The following NUP107 variants were observed in gnomAD, a reference collection of about 807,000 sequenced individuals.
NUP107 encodes nuclear pore complex protein Nup107.
NUP107 carries 101 observed loss-of-function variants against 141.0 expected under a neutral mutation model. The observed-to-expected ratio is 0.72, with a 90% CI of 0.61 to 0.84. The LOEUF is 0.84. Among genes scored for constraint, NUP107 ranks in the 40% least tolerant of loss-of-function variants. NUP107 has a pLI of 0.00. For missense variants in NUP107, 941 were observed against 1,102.7 expected (o/e 0.85, Z 2.08); for synonymous variants, 319 against 363.9 (o/e 0.88, Z 1.41).
intron 2 of NUP107, 22 bp from the exon 3 acceptor site, chr12:68,689,511 C>CT: frequency 6.9e-7 from 1 of 1,447,968 alleles, no homozygotes; most frequent in South Asian, 1.3e-5. Flanking sequence ...ACATGGAAAA[C>CT]TTTTCTTAAC....
chr12:68,741,803 CTGTT>C lies in NUP107; in HGVS notation c.2503-6_2503-3del. ...AATTGTTAAAATGATTTATTGATGT[CTGTT>C]TGTAGGATGCCAAAGAAGACCATGA... On this transcript the variant is annotated splice_polypyrimidine_tract_variant and splice_region_variant and intron_variant, in intron 26 of 27. Transcript: ENST00000229179. The C allele has an allele frequency of 6.2e-7, 1 of 1,604,820 alleles. No individual in the cohort carries two copies. The highest frequency in any genetic ancestry group is 8.5e-7 in the Non-Finnish European group (1 of 1,175,776).
At position 68,719,684 on chromosome 12, in the gene NUP107, G is replaced by A. The variant is rs769362145; in HGVS notation, c.1251+30G>A. 24 of 1,441,580 alleles carry A rather than the reference G, an allele frequency of 1.7e-5. No individual in the cohort carries two copies. The Admixed American group carries it at 3.9e-4, about 23-fold the overall frequency. The allele number at this position is 1,441,580 out of a possible 1,614,324, so 89.3% of individuals were successfully genotyped here. ...GATAAATAAAATATTCAGTGATACT[G>A]TTTTTAACTCCAATTAATTGAAAGC... On this transcript the variant is annotated intron_variant, in intron 14 of 27. Transcript: ENST00000229179.
chr12:68,689,878 T>A, intron 3 of NUP107: 1 of 376,354 alleles, frequency 2.7e-6, no homozygotes, highest in Non-Finnish European at 4.8e-6. Context: ...TTAACTAATA[T>A]ATACAATAAG....
chr12:68,719,536 G>T (rs375155717), intron 13 of NUP107, 42 bp from the exon 14 acceptor site: 1 of 1,567,592 alleles, frequency 6.4e-7, no homozygotes. Flanking sequence ...ATTGTAATAA[G>T]GTCTTATTTT....
At chr12:68,721,753 T>G in intron 15 of NUP107, 88 bp from the exon 16 acceptor site, 1 of 1,285,960 alleles carries the variant, frequency 7.8e-7, no homozygotes, top group Non-Finnish European at 1.1e-6. Flanking sequence ...TAAAGTGATT[T>G]TATAGTCTGT....
At chr12:68,705,635 T>G in intron 8 of NUP107, 1 of 535,914 alleles carries the variant, frequency 1.9e-6, no homozygotes, top group South Asian at 1.6e-5. Flanking sequence ...GCCTCCACCA[T>G]GTCCATCAGA....
chr12:68,720,991 T>C, intron 14 of NUP107, 127 bp from the exon 15 acceptor site: 1 of 531,870 alleles, frequency 1.9e-6, no homozygotes, highest in Non-Finnish European at 3.3e-6. Flanking sequence ...GATCTTTCAC[T>C]AAAGTTTAAA....
At chr12:68,690,166 CAAA>C (rs113877879) in intron 3 of NUP107, among the ~76,000 whole-genome samples, 1 of 119,476 alleles carries the variant, frequency 8.4e-6, no homozygotes. Flanking sequence ...GGCGACAGAG[CAAA>C]AAAAAAAAAA....
At chr12:68,687,513 A>C in intron 1 of NUP107, 1 of 1,000,062 alleles carries the variant, frequency 1.0e-6, no homozygotes, top group Non-Finnish European at 1.2e-6. Flanking sequence ...CTAGCCGCCT[A>C]CAACAAAGAT....
Position 68,741,917 on chromosome 12 carries a change from T to G in NUP107, c.2607T>G (p.Gly869=), listed in dbSNP as rs1346699883. 1.2e-6 allele frequency: 2 copies of G among 1,613,494 alleles called. No homozygotes were observed. Among genetic ancestry groups the G allele is most frequent in the African/African-American group, 1.3e-5 (1 of 74,906 alleles). ...TTCATACGATATTGCACAGTACTGGTCAGTATCAGGAATGCCTACAGTTAG... is the reference window on the plus strand; with the variant it reads ...TTCATACGATATTGCACAGTACTGGGCAGTATCAGGAATGCCTACAGTTAG... The part of the protein sequence containing the change: ...FLLHTILHST[G]QYQECLQLAD... The change falls in exon 27 of 28, where the codon GGT becomes GGG. Residue 869 remains glycine (G), a synonymous_variant. Coordinates refer to ENST00000229179, the MANE Select transcript of NUP107 (RefSeq NM_020401.4).
chr12:68,704,275 C>G (rs1876472284), intron 8 of NUP107, among the ~76,000 whole-genome samples: 1 of 152,018 alleles, frequency 6.6e-6, no homozygotes, highest in Non-Finnish European at 1.5e-5. Context: ...AAGAAACATG[C>G]AAATAGCCTC....
At chr12:68,697,342 T>G (rs1565687480) in intron 6 of NUP107, among the ~76,000 whole-genome samples, 1 of 152,068 alleles carries the variant, frequency 6.6e-6, no homozygotes, top group Non-Finnish European at 1.5e-5. Flanking sequence ...GAGGATTGCA[T>G]GAGCCGCAGA....
chr12:68,689,693 A>G, intron 3 of NUP107, 74 bp downstream of exon 3: 1 of 928,686 alleles, frequency 1.1e-6, no homozygotes, highest in Non-Finnish European at 1.7e-6. Context: ...TTGTAACATA[A>G]TTAGTATAGT....
Position 68,726,617 on chromosome 12 carries a change from G to A in NUP107, c.1695G>A (p.Lys565=). 1 of 1,575,958 alleles carries A rather than the reference G, an allele frequency of 6.3e-7. No individual in the cohort carries two copies. The highest frequency in any genetic ancestry group is 8.7e-7 in the Non-Finnish European group (1 of 1,146,334). The part of the protein sequence containing the change: ...LFFRTLGLQT[K]EEVSIEVLKT... ...TCCGTACTCTGGGACTACAGACCAA[G>A]GTATATAAAAATGAACGATTTCTTC... Residue 565 remains lysine (K), a splice_region_variant and synonymous_variant, in exon 19 of 28, where the codon AAG becomes AAA. Coordinates refer to ENST00000229179, the MANE Select transcript of NUP107 (RefSeq NM_020401.4).
intron 2 of NUP107, 83 bp from the exon 3 acceptor site, chr12:68,689,450 A>G: frequency 1.3e-6 from 1 of 797,542 alleles, no homozygotes; most frequent in Non-Finnish European, 2.1e-6. Context: ...GTATTCACAT[A>G]ATTTGTATAG....
rs1876557042 is a variant in NUP107, at chr12:68,705,922, A to G, written c.729+3138A>G. 20 of 903,904 alleles carry G rather than the reference A, an allele frequency of 2.2e-5. No homozygotes were observed. In the Admixed American group the frequency reaches 3.4e-4, roughly 15 times the overall value. 56.0% of individuals were successfully genotyped at this position (903,904 alleles called of 1,614,324 possible). On this transcript the variant is annotated intron_variant, in intron 8 of 27. Transcript: ENST00000229179. ...CACCCAGGTGAAGGAGCAGATCAAG[A>G]CCCTCAACAACAAGTTTGCCTCCTT...
chr12:68,705,943 T>G (rs1876558240), intron 8 of NUP107: 1 of 908,650 alleles, frequency 1.1e-6, no homozygotes, highest in Non-Finnish European at 1.9e-6. Context: ...CAAGTTTGCC[T>G]CCTTCATTGA....
At chr12:68,730,609 A>G (rs775687530) in intron 20 of NUP107, among the ~76,000 whole-genome samples, 4 of 152,204 alleles carry the variant, frequency 2.6e-5, no homozygotes, top group Non-Finnish European at 5.9e-5. Context: ...TATTTATCGA[A>G]AAAAATCCAC....
chr12:68,732,285 C>T (rs1877863146), intron 22 of NUP107, among the ~76,000 whole-genome samples: 1 of 152,176 alleles, frequency 6.6e-6, no homozygotes, highest in Non-Finnish European at 1.5e-5. Context: ...CAGGCATGTG[C>T]CACCATGCCT....
Sources: allele counts gnomAD v4.1 joint callset (sites outside exome capture counted in the v4.1 genomes callset), GRCh38; gene constraint gnomAD v4.1.1; transcripts MANE v1.5; gene names NCBI Gene and HGNC (gene_info 2026-07-23, HGNC 2026-07-21).